Variants in SP140 observed in about 807,000 individuals in gnomAD.
SP140 encodes SP140 nuclear body protein.
A neutral mutation model predicts 125.0 loss-of-function variants in SP140; 81 were observed. The ratio of observed to expected loss-of-function variants is 0.65; its 90% CI spans 0.54 to 0.78. The LOEUF (loss-of-function observed/expected upper bound fraction) is 0.78, where lower values mean the gene tolerates loss of function less well. Ranked by LOEUF, SP140 falls within the 30% of genes least tolerant of loss-of-function variation. The pLI is 0.00. For missense variants in SP140, 858 were observed against 1,037.0 expected (o/e 0.83, Z 2.37); for synonymous variants, 312 against 354.0 (o/e 0.88, Z 1.33).
At chr2:230,196,700 A>T in the SP140 span, among the ~76,000 whole-genome samples, 1 of 106,572 alleles carries the variant, frequency 9.4e-6, no homozygotes, top group Non-Finnish European at 2.0e-5. Context: ...TCCTCCCCGC[A>T]CCCCACAACA....
chr2:230,241,856 T>G (rs1406180563), intron 4 of SP140, among the ~76,000 whole-genome samples: 2 of 152,186 alleles, frequency 1.3e-5, no homozygotes, highest in African/African-American at 4.8e-5. Context: ...ATAGAACTAT[T>G]AAGAGAAACT....
At position 230,253,307 on chromosome 2, in the gene SP140, G is replaced by T. The variant is rs375361363; in HGVS notation, c.1058-9G>T. On this transcript the variant is annotated splice_polypyrimidine_tract_variant and intron_variant, in intron 10 of 26. Coordinates refer to ENST00000392045, the MANE Select transcript of SP140 (RefSeq NM_007237.5). ...GTCTGTGTCCAAGTCACCCTCTGTG[G>T]TCTGTCAGTTTCTTGTTTATCTGCA... The T allele has an allele frequency of 2.5e-6, 4 of 1,592,590 alleles. No individual in the cohort carries two copies. Among genetic ancestry groups the T allele is most frequent in the Non-Finnish European group, 2.6e-6 (3 of 1,160,704 alleles).
Position 230,287,948 on chromosome 2 carries a change from A to T in SP140, c.1702A>T (p.Lys568Ter). ...CACTCAGAGTGACAGAGCTGCACAG[A>T]AAAGAGTCCGATCAAGAGGTAAAAA... ...RFTQSDRAAQKRVRSRASRKH... is the reference protein window; with the variant it reads ...RFTQSDRAAQ Residue 568 changes from lysine to a stop codon, truncating the protein, a stop_gained, in exon 18 of 27, where the codon AAA becomes TAA. Transcript: ENST00000392045. LOFTEE classifies it high-confidence loss of function. 6.2e-7 allele frequency: 1 copy of T among 1,611,982 alleles called. No homozygotes were observed.
rs182246270 is a variant in SP140, at chr2:230,285,646, G to A, written c.1565-106G>A. On this transcript the variant is annotated intron_variant, in intron 16 of 26. Transcript: ENST00000392045. ...AAAAATGCTCTGGACACCTGCTCGAGGGGATCCAGAATGAGACCCAGGACT... is the reference window on the plus strand; with the variant it reads ...AAAAATGCTCTGGACACCTGCTCGAAGGGATCCAGAATGAGACCCAGGACT... 131 of 914,226 alleles carry A rather than the reference G, an allele frequency of 1.4e-4. No individual in the cohort carries two copies. In the African/African-American group the frequency reaches 1.7e-3, roughly 12 times the overall value. 56.6% of individuals were successfully genotyped at this position (914,226 alleles called of 1,614,324 possible).
At chr2:230,219,191 C>CTCCA (rs1197299666) in intron 3 of SP140, among the ~76,000 whole-genome samples, 1 of 152,188 alleles carries the variant, frequency 6.6e-6, no homozygotes, top group African/African-American at 2.4e-5. Context: ...TGCCATTGCA[C>CTCCA]TCCAGCCTGG....
intron 11 of SP140, among the ~76,000 whole-genome samples, 175 bp downstream of exon 11, chr2:230,253,592 G>T (rs1417801335): frequency 6.6e-6 from 1 of 152,100 alleles, no homozygotes; most frequent in Non-Finnish European, 1.5e-5. Context: ...AGAGACAAAG[G>T]ATCAAGCTAA....
chr2:230,248,541 T>C (rs1307481379), intron 8 of SP140, among the ~76,000 whole-genome samples: 2 of 151,846 alleles, frequency 1.3e-5, no homozygotes, highest in African/African-American at 4.8e-5. Context: ...CCCTTTGGAA[T>C]AGGAGAGGGA....
chr2:230,270,458 G>A, intron 14 of SP140, 128 bp from the exon 15 acceptor site: 1 of 993,540 alleles, frequency 1.0e-6, no homozygotes, highest in Non-Finnish European at 1.5e-6. Flanking sequence ...GGTTCCCCTA[G>A]AAGAAAGAGA....
chr2:230,269,656 G>C, intron 13 of SP140, 38 bp downstream of exon 13: 1 of 1,296,528 alleles, frequency 7.7e-7, no homozygotes, highest in South Asian at 1.4e-5. Flanking sequence ...CAGAAACAGA[G>C]TTCTGATAAA....
At chr2:230,204,094 T>C (rs1242980414) in intron 1 of SP140, among the ~76,000 whole-genome samples, 1 of 152,204 alleles carries the variant, frequency 6.6e-6, no homozygotes, top group African/African-American at 2.4e-5. Context: ...ACGATTCTTT[T>C]AAAAAACCTG....
intron 10 of SP140, 74 bp from the exon 11 acceptor site, chr2:230,253,242 C>G (rs2050647959): frequency 1.9e-6 from 2 of 1,062,708 alleles, no homozygotes; most frequent in Non-Finnish European, 2.9e-6. Flanking sequence ...AGGGGTGGCT[C>G]TTAGCATTTT....
At chr2:230,186,208 T>G in the SP140 span, 2 of 1,504,308 alleles carry the variant, frequency 1.3e-6, no homozygotes, top group Non-Finnish European at 1.8e-6. Flanking sequence ...CCCCTACCCT[T>G]TCAGGAGTTA....
In SP140 at chr2:230,211,429, G is replaced by C; in HGVS notation, c.-322-2225G>C. ...ATGGCTTTTCCTCTTAGTAAACACA[G>C]AAACAAAGGCAAGCTTTTAGGTTGA... On this transcript the variant is annotated intron_variant, in intron 1 of 4. Coordinates refer to the SP140 transcript ENST00000456542. This position sits in a 1 kb window ranked among gnomAD's most constrained non-coding sequence, Gnocchi z 4.2. 7.8e-7 allele frequency: 1 copy of C among 1,282,646 alleles called. No individual in the cohort carries two copies. The highest frequency in any genetic ancestry group is 1.2e-5 in the South Asian group (1 of 84,610). The allele number at this position is 1,282,646 out of a possible 1,614,324, so 79.5% of individuals were successfully genotyped here.
intron 12 of SP140, among the ~76,000 whole-genome samples, chr2:230,266,953 A>G (rs1233805761): frequency 6.6e-6 from 1 of 152,198 alleles, no homozygotes; most frequent in Non-Finnish European, 1.5e-5. Context: ...GCCATATCAC[A>G]TAAGGTAATT....
chr2:230,238,146 A>G, intron 2 of SP140, 67 bp from the exon 3 acceptor site: 1 of 1,150,624 alleles, frequency 8.7e-7, no homozygotes, highest in Non-Finnish European at 1.2e-6. Flanking sequence ...TGTTCTATCT[A>G]CAACCTAAAA....
intron 22 of SP140, among the ~76,000 whole-genome samples, chr2:230,309,033 C>T (rs761170747): frequency 1.3e-5 from 2 of 152,320 alleles, no homozygotes; most frequent in Admixed American, 1.3e-4. Flanking sequence ...CCGGGATTTG[C>T]TCCACAACAC....
rs752491106 is a variant in SP140 at position 230,238,215 on chromosome 2, T to C, written c.240T>C (p.His80=). ...RSFISEQMYE[H]FQEAFRNLVP... ...ATTCTCCATTTAATATTTTTAAGCA[T>C]TTTCAAGAAGCTTTTAGAAACCTGG... The change falls in exon 3 of 27, where the codon CAT becomes CAC. Residue 80 remains histidine (H), a splice_region_variant and synonymous_variant. Transcript: ENST00000392045. 8.2e-6 allele frequency: 13 copies of C among 1,588,230 alleles called. No homozygotes were observed. In the African/African-American group the frequency reaches 1.8e-4, roughly 22 times the overall value.
At chr2:230,204,416 A>G (rs925040786) in intron 1 of SP140, among the ~76,000 whole-genome samples, 3 of 152,158 alleles carry the variant, frequency 2.0e-5, no homozygotes, top group Non-Finnish European at 4.4e-5. Flanking sequence ...TGTCTGCCCT[A>G]AATATGGGAT....
At chr2:230,308,633 G>C (rs2059043389) in intron 22 of SP140, among the ~76,000 whole-genome samples, 1 of 152,254 alleles carries the variant, frequency 6.6e-6, no homozygotes, top group Non-Finnish European at 1.5e-5. Context: ...TGGAGGGCGG[G>C]CTGTCCCCTG....
Sources: gnomAD v4.1 joint callset for allele counts (sites outside exome capture counted in the v4.1 genomes callset) on GRCh38, gnomAD v4.1.1 for gene constraint, Gnocchi (gnomAD v3.1) non-coding constraint, MANE v1.5 for transcripts, NCBI Gene and HGNC (gene_info 2026-07-23, HGNC 2026-07-21) for gene names.